Variants in CWH43 observed in about 807,000 individuals in gnomAD.
CWH43 encodes cell wall biogenesis 43 C-terminal homolog.
In CWH43, 91 loss-of-function variants were observed where a neutral mutation model predicts 85.7. The ratio of observed to expected loss-of-function variants is 1.06; its 90% CI spans 0.90 to 1.26. The LOEUF (loss-of-function observed/expected upper bound fraction) is 1.26. Ranked by LOEUF, CWH43 falls within the 50% of genes most tolerant of loss-of-function variation. The pLI is 0.00. For missense variants in CWH43, 869 were observed against 839.2 expected, an observed-to-expected ratio of 1.04 and a Z score of -0.44; for synonymous variants, 323 against 293.6, an observed-to-expected ratio of 1.10 and a Z score of -1.02.
chr4:48,997,731 C>T (rs1192093747), intron 5 of CWH43, among the ~76,000 whole-genome samples: 4 of 152,084 alleles, frequency 2.6e-5, no homozygotes, highest in African/African-American at 9.7e-5. Flanking sequence ...CAGAATTCTC[C>T]TCTGCAAAAT....
chr4:48,999,438 C>A (rs567866761), intron 6 of CWH43, among the ~76,000 whole-genome samples: 1 of 152,154 alleles, frequency 6.6e-6, no homozygotes, highest in African/African-American at 2.4e-5. Flanking sequence ...GGGTACATAC[C>A]CAGTAATGGG....
chr4:49,048,707 C>G (rs1335212799), intron 14 of CWH43, among the ~76,000 whole-genome samples: 2 of 151,816 alleles, frequency 1.3e-5, no homozygotes, highest in African/African-American at 2.4e-5. Context: ...AGGATCAGGC[C>G]CCCCCTGCAC....
intron 9 of CWH43, among the ~76,000 whole-genome samples, chr4:49,023,439 A>G (rs1193549449): frequency 6.6e-6 from 1 of 152,162 alleles, no homozygotes; most frequent in African/African-American, 2.4e-5. Flanking sequence ...CAATGGCACA[A>G]TCTCGGCTCA....
Position 48,991,509 on chromosome 4 carries a change from G to A in CWH43, c.291G>A (p.Ala97=), listed in dbSNP as rs770329336. 19 of 1,613,902 alleles carry A rather than the reference G, an allele frequency of 1.2e-5. No individual in the cohort carries two copies. The highest frequency in any genetic ancestry group is 8.0e-5 in the African/African-American group (6 of 74,902). ...CCAAACTTCGACTGATGGTTCTTGC[G>A]CTTGGGGTGTCTTCCTCACTGATAG... ...PNAKLRLMVL[A]LGVSSSLIVQ... is the part of the protein sequence containing the mutation. Residue 97 remains alanine, a synonymous_variant, in exon 3 of 16, where the codon GCG becomes GCA. Transcript: ENST00000226432.
intron 5 of CWH43, 118 bp from the exon 6 acceptor site, chr4:48,998,342 G>T: frequency 1.4e-6 from 1 of 730,152 alleles, no homozygotes; most frequent in Non-Finnish European, 2.3e-6. Flanking sequence ...CTCACTGGTT[G>T]TTTCACACAC....
At chr4:49,004,357 G>A (rs1265801399) in intron 7 of CWH43, among the ~76,000 whole-genome samples, 3 of 152,296 alleles carry the variant, frequency 2.0e-5, no homozygotes, top group East Asian at 3.9e-4. Flanking sequence ...TGGTTGGCTC[G>A]TAAATATACA....
Position 49,041,418 on chromosome 4 carries a change from C to A in CWH43, c.1803+3238C>A, listed in dbSNP as rs374512235. Among the ~76,000 whole-genome samples, 33 of 152,050 alleles carry A rather than the reference C, an allele frequency of 2.2e-4. No individual in the cohort carries two copies. In the Middle Eastern group the frequency reaches 0.017, roughly 78 times the overall value. On this transcript the variant is annotated intron_variant, in intron 13 of 15. Transcript: ENST00000226432. ...ATTTGTTTGTATCCTCTTTTATTTC[C>A]TTGAGCAGTGGTTTGTAGTTCTCCT...
At chr4:49,061,376 C>T (rs1354319638) in intron 15 of CWH43, among the ~76,000 whole-genome samples, 1 of 152,138 alleles carries the variant, frequency 6.6e-6, no homozygotes. Context: ...ATCATATCAA[C>T]CAGAGCTGTA....
At chr4:49,045,104 C>T (rs563123249) in intron 14 of CWH43, among the ~76,000 whole-genome samples, 2 of 152,190 alleles carry the variant, frequency 1.3e-5, no homozygotes, top group African/African-American at 2.4e-5. Context: ...GGCTATTAGG[C>T]ATGGTGAATA....
At chr4:49,031,123 C>G in intron 11 of CWH43, 163 bp downstream of exon 11, 2 of 629,122 alleles carry the variant, frequency 3.2e-6, no homozygotes, top group South Asian at 6.4e-5. Context: ...TGTAATTTTT[C>G]AAATGGTTTT....
intron 15 of CWH43, among the ~76,000 whole-genome samples, chr4:49,052,715 C>T (rs1057090621): frequency 1.4e-4 from 21 of 152,116 alleles, no homozygotes; most frequent in Middle Eastern, 6.8e-3. Flanking sequence ...AGTTTAATTA[C>T]GAAAATAGTA....
Position 49,050,824 on chromosome 4 carries a change from T to G in CWH43, c.1996T>G (p.Ser666Ala), listed in dbSNP as rs1362682211. 1.2e-5 allele frequency: 19 copies of G among 1,612,422 alleles called. No individual in the cohort carries two copies. The highest frequency in any genetic ancestry group is 1.6e-5 in the Non-Finnish European group (19 of 1,179,322). The change falls in exon 15 of 16, where the codon TCT (serine) becomes GCT (alanine). Residue 666 changes from serine (S) to alanine (A), a missense_variant. Transcript: ENST00000226432. Reference sequence around the variant, plus strand: ...AGTGGTCATAGACCACAGAGAAGTTTCTGAGAAAATTCATTTTAATCCCAG... The same window carrying G: ...AGTGGTCATAGACCACAGAGAAGTTGCTGAGAAAATTCATTTTAATCCCAG... ...QKVVIDHREV[S>A]EKIHFNPRFG...
At chr4:49,041,818 T>C (rs1300189293) in intron 13 of CWH43, among the ~76,000 whole-genome samples, 2 of 152,296 alleles carry the variant, frequency 1.3e-5, no homozygotes, top group East Asian at 3.9e-4. Context: ...CAAGAGCATA[T>C]GCCAGTTCCT....
rs759580379 is a variant in CWH43 at position 49,030,842 on chromosome 4, A to G, written c.1390A>G (p.Ile464Val). Residue 464 changes from isoleucine to valine, a missense_variant, in exon 11 of 16, where the codon ATT (isoleucine) becomes GTT (valine). Transcript: ENST00000226432. ...LNETGADFITILESDASKPYM... is the reference protein window; with the variant it reads ...LNETGADFITVLESDASKPYM... ...CTGAACAGGTGCAGATTTCATAACA[A>G]TTTTGGAGAGTGATGCTTCTAAGCC... 3 of 1,582,154 alleles carry G rather than the reference A, an allele frequency of 1.9e-6. No homozygotes were observed. The highest frequency in any genetic ancestry group is 2.6e-6 in the Non-Finnish European group (3 of 1,169,940).
chr4:49,028,273 T>C (rs1487907275), intron 9 of CWH43, among the ~76,000 whole-genome samples: 3 of 152,208 alleles, frequency 2.0e-5, no homozygotes, highest in Non-Finnish European at 4.4e-5. Flanking sequence ...CTAATTCATT[T>C]ATTAGGGCTG....
intron 14 of CWH43, among the ~76,000 whole-genome samples, chr4:49,046,465 TAA>T (rs1008367336): frequency 2.8e-4 from 43 of 152,058 alleles, no homozygotes; most frequent in African/African-American, 1.0e-3. Flanking sequence ...GAAGGAAACA[TAA>T]AATAAGCAGA....
At chr4:48,987,100 C>T (rs1198109363) in intron 1 of CWH43, among the ~76,000 whole-genome samples, 1 of 152,006 alleles carries the variant, frequency 6.6e-6, no homozygotes, top group Non-Finnish European at 1.5e-5. Context: ...AGTTCCCAGA[C>T]AAACATTTGG....
chr4:49,020,408 C>CAT (rs1252702196), intron 9 of CWH43, among the ~76,000 whole-genome samples: 4 of 109,902 alleles, frequency 3.6e-5, no homozygotes, highest in African/African-American at 1.1e-4. Context: ...CACACACACA[C>CAT]ACACACACAT....
chr4:49,039,381 T>TGA (rs1784380787), intron 13 of CWH43, among the ~76,000 whole-genome samples: 1 of 56,374 alleles, frequency 1.8e-5, no homozygotes, highest in African/African-American at 4.6e-5. Context: ...ATATATATAC[T>TGA]GATATATATA....
Sources: allele counts gnomAD v4.1 joint callset (sites outside exome capture counted in the v4.1 genomes callset), GRCh38; gene constraint gnomAD v4.1.1; transcripts MANE v1.5; gene names NCBI Gene and HGNC (gene_info 2026-07-23, HGNC 2026-07-21).